ZNF678: variants seen among roughly 807,000 people sequenced by gnomAD.
ZNF678 encodes the protein hypothetical protein MGC42493.
ZNF678 carries 5 observed loss-of-function variants against 3.0 expected under a neutral mutation model. That is an observed-to-expected ratio of 1.69 (90% confidence interval 0.88 to 3.56). ZNF678 has a LOEUF of 3.56. ZNF678 is among the 30% of genes most tolerant of loss of function. The probability of loss-of-function intolerance (pLI) is 0.00; values close to 1 mark genes in which losing one functional copy is unlikely to be tolerated. For missense variants in ZNF678, 593 were observed against 605.0 expected, an observed-to-expected ratio of 0.98 and a Z score of 0.21; for synonymous variants, 218 against 199.6, an observed-to-expected ratio of 1.09 and a Z score of -0.78.
intron 1 of ZNF678, among the ~76,000 whole-genome samples, chr1:227,644,686 G>T (rs1211262583): frequency 6.6e-6 from 1 of 152,064 alleles, no homozygotes; most frequent in Non-Finnish European, 1.5e-5. Context: ...CTTAAATTGG[G>T]GCTCAGAATA....
At chr1:227,571,288 A>G (rs1180121951) in intron 1 of ZNF678, among the ~76,000 whole-genome samples, 3 of 152,262 alleles carry the variant, frequency 2.0e-5, no homozygotes, top group Non-Finnish European at 4.4e-5. Context: ...GCACAGTCAC[A>G]TATGAACATG....
chr1:227,617,952 C>G (rs984323102), intron 1 of ZNF678, among the ~76,000 whole-genome samples: 6 of 152,142 alleles, frequency 3.9e-5, no homozygotes. Flanking sequence ...ACAAAGTGGC[C>G]ATGGTCTCTG....
chr1:227,639,296 G>T (rs1658758793), intron 1 of ZNF678, among the ~76,000 whole-genome samples: 1 of 152,224 alleles, frequency 6.6e-6, no homozygotes, highest in African/African-American at 2.4e-5. Context: ...CAGTGGGCCA[G>T]CAGGGGGCCC....
intron 1 of ZNF678, among the ~76,000 whole-genome samples, chr1:227,571,953 A>G (rs988465253): frequency 6.6e-6 from 1 of 152,140 alleles, no homozygotes; most frequent in East Asian, 1.9e-4. Context: ...GAGGCAGGAG[A>G]ATGGCGTGAA....
intron 1 of ZNF678, among the ~76,000 whole-genome samples, chr1:227,610,987 C>A (rs1373404152): frequency 1.3e-5 from 2 of 152,222 alleles, no homozygotes; most frequent in African/African-American, 2.4e-5. Context: ...GACATTGTCA[C>A]CATCTTGGAA....
At chr1:227,580,656 A>G (rs1009636501) in intron 1 of ZNF678, among the ~76,000 whole-genome samples, 3 of 152,168 alleles carry the variant, frequency 2.0e-5, no homozygotes, top group African/African-American at 7.2e-5. Flanking sequence ...AAGGCCAGGC[A>G]CGGTGGCTAA....
At chr1:227,642,119 C>A (rs554377023) in intron 1 of ZNF678, among the ~76,000 whole-genome samples, 6 of 152,320 alleles carry the variant, frequency 3.9e-5, no homozygotes, top group African/African-American at 1.4e-4. Flanking sequence ...GTTGACTCTG[C>A]CTACAGTCCA....
rs978465167 is a variant in ZNF678, at chr1:227,658,358, A to T, written c.*2530A>T. 6.6e-6 allele frequency: 1 copy of T among 152,040 alleles called. No individual in the cohort carries two copies. Among genetic ancestry groups the T allele is most frequent in the African/African-American group, 2.4e-5 (1 of 41,428 alleles). 9.4% of individuals were successfully genotyped at this position (152,040 alleles called of 1,614,324 possible). On this transcript the variant is annotated 3_prime_UTR_variant, in exon 4 of 4. Coordinates refer to ENST00000343776, the MANE Select transcript of ZNF678 (RefSeq NM_001367909.1). The stretch of plus-strand genomic sequence containing the variant: ...AGATGCTCTATAATTAGCAGTAAAT[A>T]TTCTTGTTTAAGTCACTTTTTGGCT...
chr1:227,667,761 G>A (rs948793069), intron 5 of ZNF678, among the ~76,000 whole-genome samples: 1 of 152,032 alleles, frequency 6.6e-6, no homozygotes, highest in East Asian at 1.9e-4. Flanking sequence ...CAATTATTTT[G>A]GGAAATAAAT....
intron 1 of ZNF678, among the ~76,000 whole-genome samples, chr1:227,591,266 T>A (rs570996980): frequency 6.6e-6 from 1 of 152,182 alleles, no homozygotes; most frequent in African/African-American, 2.4e-5. Flanking sequence ...TCCCCTTTTT[T>A]CTAACGAGGA....
chr1:227,650,775 T>C (rs574330356), intron 2 of ZNF678, among the ~76,000 whole-genome samples, 181 bp from the exon 3 acceptor site: 31 of 152,324 alleles, frequency 2.0e-4, no homozygotes, highest in African/African-American at 7.5e-4. Context: ...GTTAGTGTAT[T>C]AGAACAAAAC....
intron 1 of ZNF678, among the ~76,000 whole-genome samples, chr1:227,639,743 A>G (rs1318506101): frequency 1.3e-5 from 2 of 152,166 alleles, no homozygotes; most frequent in African/African-American, 4.8e-5. Flanking sequence ...GCTGGGCAGG[A>G]GCTTGGTGAT....
chr1:227,649,928 A>G (rs182944322), intron 2 of ZNF678, among the ~76,000 whole-genome samples: 67 of 151,658 alleles, frequency 4.4e-4, no homozygotes, highest in Non-Finnish European at 8.8e-4. Flanking sequence ...TCTACCTTTT[A>G]TTTGATATAT....
intron 1 of ZNF678, among the ~76,000 whole-genome samples, chr1:227,616,959 T>C (rs1172356381): frequency 1.3e-5 from 2 of 152,178 alleles, no homozygotes; most frequent in African/African-American, 4.8e-5. Flanking sequence ...CTGTACAAGG[T>C]GCTCTGCCAC....
chr1:227,633,509 G>C (rs1175559075), intron 1 of ZNF678, among the ~76,000 whole-genome samples: 1 of 152,176 alleles, frequency 6.6e-6, no homozygotes, highest in Non-Finnish European at 1.5e-5. Flanking sequence ...TCTCCAGGTA[G>C]GCTTAGGAAT....
chr1:227,580,001 C>A (rs1324134922), intron 1 of ZNF678, among the ~76,000 whole-genome samples: 1 of 152,164 alleles, frequency 6.6e-6, no homozygotes, highest in Non-Finnish European at 1.5e-5. Context: ...GGGACAGCAG[C>A]TCTCCCTGCT....
At chr1:227,630,391 C>G (rs758514587) in intron 1 of ZNF678, among the ~76,000 whole-genome samples, 1 of 152,228 alleles carries the variant, frequency 6.6e-6, no homozygotes, top group Non-Finnish European at 1.5e-5. Flanking sequence ...GGGAATTGTT[C>G]TCTTTCCTCT....
At chr1:227,584,326 C>T (rs188053997) in intron 1 of ZNF678, among the ~76,000 whole-genome samples, 86 of 152,238 alleles carry the variant, frequency 5.6e-4, no homozygotes, top group African/African-American at 1.9e-3. Context: ...CTTGGTGATA[C>T]AAGAACTTCC....
chr1:227,655,863 A>T lies in ZNF678; in HGVS notation c.*35A>T. The T allele has an allele frequency of 5.2e-6, 8 of 1,523,848 alleles. No homozygotes were observed. The South Asian group carries it at 1.1e-4, about 21-fold the overall frequency. The allele number at this position is 1,523,848 out of a possible 1,614,324, so 94.4% of individuals were successfully genotyped here. A position where few individuals can be genotyped will look rare whatever the true frequency, so the allele number is the denominator to read the frequency against. On this transcript the variant is annotated 3_prime_UTR_variant, in exon 4 of 4. Transcript: ENST00000343776. ...CATTATACATGGCTTCACTAATTTC[A>T]TACTGAATAAAAGTGGTATGAGCAT...
Sources: gnomAD v4.1 joint callset for allele counts (sites outside exome capture counted in the v4.1 genomes callset) on GRCh38, gnomAD v4.1.1 for gene constraint, MANE v1.5 for transcripts, NCBI Gene and HGNC (gene_info 2026-07-23, HGNC 2026-07-21) for gene names.